The following LRRFIP1 variants were observed in gnomAD, a reference collection of about 807,000 sequenced individuals.
The protein encoded by LRRFIP1 is LRR binding FLII interacting protein 1.
A neutral mutation model predicts 104.4 loss-of-function variants in LRRFIP1; 62 were observed. The ratio of observed to expected loss-of-function variants is 0.59; its 90% CI spans 0.48 to 0.73. The LOEUF (loss-of-function observed/expected upper bound fraction) is 0.73. LRRFIP1 is among the 30% of genes least tolerant of loss of function. The pLI is 0.00. For missense variants in LRRFIP1, 796 were observed against 824.5 expected (o/e 0.97, Z 0.42); for synonymous variants, 300 against 299.0 (o/e 1.00, Z -0.03).
chr2:237,760,654 C>T lies in LRRFIP1; in HGVS notation c.1459+449C>T, dbSNP rs143162650. On this transcript the variant is annotated intron_variant, in intron 19 of 23. Coordinates refer to ENST00000308482, the MANE Select transcript of LRRFIP1 (RefSeq NM_001137550.2). ...GTTGGCCATATTTGCAAGCCAACAT[C>T]GACATCCTGGGCAGCATTCAGCGCT... is the stretch of plus-strand genomic sequence containing the variant. 1.1e-3 allele frequency among the ~76,000 whole-genome samples: 164 copies of T among 152,298 alleles called. 1 individual carries two copies. The highest frequency in any genetic ancestry group is 5.6e-3 in the East Asian group (29 of 5,184).
At chr2:237,722,327 G>A (rs1364995235) in intron 6 of LRRFIP1, among the ~76,000 whole-genome samples, 1 of 152,142 alleles carries the variant, frequency 6.6e-6, no homozygotes, top group African/African-American at 2.4e-5. Context: ...AATTTCAGAT[G>A]TAAGATGTGT....
chr2:237,666,122 T>C (rs1024953161), intron 1 of LRRFIP1, among the ~76,000 whole-genome samples: 7 of 152,090 alleles, frequency 4.6e-5, no homozygotes, highest in African/African-American at 7.2e-5. Context: ...CTTGGAAAAA[T>C]GGGTCTAATA....
At chr2:237,774,569 A>G (rs2060922651) in intron 23 of LRRFIP1, 107 bp downstream of exon 23, 1 of 743,564 alleles carries the variant, frequency 1.3e-6, no homozygotes, top group Non-Finnish European at 2.3e-6. Flanking sequence ...TGGGCTGGTC[A>G]TTGTCAGATC....
At chr2:237,761,588 A>G (rs1034654945) in intron 19 of LRRFIP1, among the ~76,000 whole-genome samples, 1 of 152,274 alleles carries the variant, frequency 6.6e-6, no homozygotes, top group Non-Finnish European at 1.5e-5. Context: ...TCCTTCAGCA[A>G]AGAATTGTAG....
chr2:237,649,738 A>G lies in LRRFIP1; in HGVS notation c.96+21998A>G, dbSNP rs938706612. On this transcript the variant is annotated intron_variant, in intron 1 of 23. Coordinates refer to ENST00000308482, the MANE Select transcript of LRRFIP1 (RefSeq NM_001137550.2). This position sits in a 1 kb window ranked among gnomAD's most constrained non-coding sequence, Gnocchi z 4.1. ...TCCTCTCTCCCTGCCGCGGTTCGGA[A>G]GCTCCACGGGGGCCAGTGTTGTTCA... is the stretch of plus-strand genomic sequence containing the variant. Among the ~76,000 whole-genome samples the G allele has an allele frequency of 2.0e-5, 3 of 151,846 alleles. No individual in the cohort carries two copies. The highest frequency in any genetic ancestry group is 1.3e-4 in the Admixed American group (2 of 15,254).
Position 237,735,314 on chromosome 2 carries a change from G to C in LRRFIP1, c.536G>C (p.Ser179Thr), listed in dbSNP as rs2095203624. The change falls in exon 10 of 24, where the codon AGC becomes ACC. Residue 179 changes from serine to threonine, a missense_variant. Coordinates refer to ENST00000308482, the MANE Select transcript of LRRFIP1 (RefSeq NM_001137550.2). The surrounding 1 kb of genome is among the most constrained non-coding windows in gnomAD (Gnocchi z 4.6). ...AGCTTCGGTGGGACCCGACGGGGCA[G>C]CACCTCCGGCTCCCGTGCTGTAAGG... is the stretch of plus-strand genomic sequence containing the variant. ...EGSFGGTRRG[S>T]TSGSRAPSEY... 6.2e-7 allele frequency: 1 copy of C among 1,613,172 alleles called. No individual in the cohort carries two copies. Among genetic ancestry groups the C allele is most frequent in the Non-Finnish European group, 8.5e-7 (1 of 1,179,816 alleles).
At chr2:237,713,465 T>G (rs2094196700) in intron 2 of LRRFIP1, among the ~76,000 whole-genome samples, 1 of 152,246 alleles carries the variant, frequency 6.6e-6, no homozygotes, top group African/African-American at 2.4e-5. Context: ...CTTTTCTTGC[T>G]GCTGACTTGA....
intron 11 of LRRFIP1, among the ~76,000 whole-genome samples, chr2:237,744,830 C>T (rs532102637): frequency 7.2e-5 from 11 of 152,388 alleles, no homozygotes; most frequent in East Asian, 5.8e-4. Flanking sequence ...TCGCCCTTCC[C>T]GTGCAGGAGG....
rs1439908353 is a variant in LRRFIP1, at chr2:237,708,674, C to T, written c.183+44C>T. Reference sequence around the variant, plus strand: ...TGTTGGGTCTTTTCACAGTGATTTGCGTGCTGGGCCCAGGGTGCAAGTGCA... The same window carrying T: ...TGTTGGGTCTTTTCACAGTGATTTGTGTGCTGGGCCCAGGGTGCAAGTGCA... On this transcript the variant is annotated intron_variant, in intron 2 of 23. Transcript: ENST00000308482. 5.8e-6 allele frequency: 9 copies of T among 1,556,554 alleles called. No homozygotes were observed. In the East Asian group the frequency reaches 7.0e-5, roughly 12 times the overall value.
rs2093639171 is a variant in LRRFIP1, at chr2:237,703,430, T to A, written c.97-5114T>A. The stretch of plus-strand genomic sequence containing the variant: ...CCCTGTTTCTAAAACAAAAGTCAGA[T>A]TCCGCTGTGTTCTTAAAACCCTTCA... On this transcript the variant is annotated intron_variant, in intron 1 of 23. Coordinates refer to ENST00000308482, the MANE Select transcript of LRRFIP1 (RefSeq NM_001137550.2). The surrounding 1 kb of genome is among the most constrained non-coding windows in gnomAD (Gnocchi z 4.3). 6.6e-6 allele frequency among the ~76,000 whole-genome samples: 1 copy of A among 152,158 alleles called. No individual in the cohort carries two copies. Among genetic ancestry groups the A allele is most frequent in the South Asian group, 2.1e-4 (1 of 4,830 alleles).
intron 1 of LRRFIP1, among the ~76,000 whole-genome samples, chr2:237,660,089 G>GA (rs58860341): frequency 6.6e-6 from 1 of 152,006 alleles, no homozygotes; most frequent in Non-Finnish European, 1.5e-5. Flanking sequence ...AGCAAACAGG[G>GA]AAAAAATATA....
At chr2:237,713,606 C>T (rs1416557998) in intron 2 of LRRFIP1, among the ~76,000 whole-genome samples, 1 of 152,040 alleles carries the variant, frequency 6.6e-6, no homozygotes, top group African/African-American at 2.4e-5. Context: ...TTCAATAATG[C>T]CTGATATGAC....
chr2:237,735,168 C>A lies in LRRFIP1; in HGVS notation c.490-100C>A. 1 of 906,680 alleles carries A rather than the reference C, an allele frequency of 1.1e-6. No individual in the cohort carries two copies. The highest frequency in any genetic ancestry group is 1.7e-6 in the Non-Finnish European group (1 of 584,328). The allele number at this position is 906,680 out of a possible 1,614,324, so 56.2% of individuals were successfully genotyped here. ...CTGCATGCTTTTTCAGGTCATGCTC[C>A]TGGCACGTGTCAGTTTTTCACAGCT... On this transcript the variant is annotated intron_variant, in intron 9 of 23. Transcript: ENST00000308482. This position sits in a 1 kb window ranked among gnomAD's most constrained non-coding sequence, Gnocchi z 4.6.
intron 1 of LRRFIP1, among the ~76,000 whole-genome samples, chr2:237,707,468 A>G (rs2093871127): frequency 6.6e-6 from 1 of 151,904 alleles, no homozygotes; most frequent in Non-Finnish European, 1.5e-5. Flanking sequence ...AAAGAAAAAA[A>G]AAAAAAAGGA....
At chr2:237,656,340 G>A (rs567260812) in intron 1 of LRRFIP1, among the ~76,000 whole-genome samples, 1 of 152,144 alleles carries the variant, frequency 6.6e-6, no homozygotes, top group Non-Finnish European at 1.5e-5. Context: ...CAGGGGTAGG[G>A]CATGAGTTTA....
intron 7 of LRRFIP1, among the ~76,000 whole-genome samples, chr2:237,725,024 C>CTTTGA (rs1421652441): frequency 4.6e-5 from 7 of 152,166 alleles, no homozygotes; most frequent in Admixed American, 2.0e-4. Flanking sequence ...GTCACAGACG[C>CTTTGA]TTTGATAACA....
rs773966759 is a variant in LRRFIP1 at position 237,719,557 on chromosome 2, G to A, written c.284G>A (p.Arg95Lys). The change falls in exon 5 of 24, where the codon AGA becomes AAA. Residue 95 changes from arginine (R) to lysine (K), a missense_variant. Arg to Lys is a conservative substitution (Grantham distance 26). Transcript: ENST00000308482. ...GAGCGCTACTCTCGTAGATCCAGAA[G>A]AAACACATCGGTTAGTACCGTGTTC... ...DSERYSRRSR[R>K]NTSASDEDER... The A allele has an allele frequency of 1.9e-6, 3 of 1,613,382 alleles. No homozygotes were observed. The highest frequency in any genetic ancestry group is 2.5e-6 in the Non-Finnish European group (3 of 1,179,500).
rs767767219 is a variant in LRRFIP1 at position 237,763,879 on chromosome 2, C to T, written c.1459+3674C>T. 37 of 1,614,080 alleles carry T rather than the reference C, an allele frequency of 2.3e-5. 2 individuals are homozygous for T. The Middle Eastern group carries it at 3.6e-3, about 158-fold the overall frequency. On this transcript the variant is annotated intron_variant, in intron 19 of 23. Coordinates refer to ENST00000308482, the MANE Select transcript of LRRFIP1 (RefSeq NM_001137550.2). ...GTCCTGCAGAACCAAAGAGCGAAGA[C>T]GCAGATCGCTGCACCCTGCCCGAAC...
intron 1 of LRRFIP1, among the ~76,000 whole-genome samples, chr2:237,663,257 C>G (rs1575250057): frequency 6.6e-6 from 1 of 152,154 alleles, no homozygotes; most frequent in African/African-American, 2.4e-5. Context: ...CTGTGAGATG[C>G]GGAGTGAAAG....
Sources: allele counts gnomAD v4.1 joint callset (sites outside exome capture counted in the v4.1 genomes callset), GRCh38; gene constraint gnomAD v4.1.1; non-coding constraint Gnocchi (gnomAD v3.1); transcripts MANE v1.5; gene names NCBI Gene and HGNC (gene_info 2026-07-23, HGNC 2026-07-21).